ADGRB3: variants seen among roughly 807,000 people sequenced by gnomAD.
ADGRB3 encodes the protein adhesion G protein-coupled receptor B3, also known as brain-specific angiogenesis inhibitor 3.
ADGRB3 carries 37 observed loss-of-function variants against 193.4 expected under a neutral mutation model. The ratio of observed to expected loss-of-function variants is 0.19; its 90% CI spans 0.15 to 0.25. The LOEUF is 0.25. Among genes scored for constraint, ADGRB3 ranks in the 10% least tolerant of loss-of-function variants. The pLI, the probability that ADGRB3 is intolerant of heterozygous loss-of-function variation, is 1.00. For missense variants in ADGRB3, 1,637 were observed against 1,852.9 expected (o/e 0.88, Z 2.14); for synonymous variants, 690 against 644.2 (o/e 1.07, Z -1.08).
Position 68,993,930 on chromosome 6 carries a change from G to T in ADGRB3, c.1897G>T (p.Ala633Ser), listed in dbSNP as rs921122129. 1.2e-5 allele frequency: 20 copies of T among 1,613,658 alleles called. No individual in the cohort carries two copies. The highest frequency in any genetic ancestry group is 1.6e-5 in the Non-Finnish European group (19 of 1,179,802). Reference sequence around the variant, plus strand: ...AAATGTGACAGACACATTTAAAAGGGCAAGTTACATCCCTGCATCTGATGG... The same window carrying T: ...AAATGTGACAGACACATTTAAAAGGTCAAGTTACATCCCTGCATCTGATGG... ...LRNVTDTFKR[A>S]SYIPASDGVQ... Residue 633 changes from alanine to serine, a missense_variant, in exon 11 of 32, where the codon GCA (alanine) becomes TCA (serine). By Grantham distance (99) the Ala-to-Ser change is moderately conservative. Coordinates refer to ENST00000370598, the MANE Select transcript of ADGRB3 (RefSeq NM_001704.3).
intron 17 of ADGRB3, among the ~76,000 whole-genome samples, chr6:69,206,778 G>C (rs1265059951): frequency 6.6e-6 from 1 of 152,142 alleles, no homozygotes; most frequent in Non-Finnish European, 1.5e-5. Flanking sequence ...GGTCATAGCT[G>C]GTATTGATGA....
chr6:68,885,329 GTTAA>G (rs1582283909), intron 3 of ADGRB3, among the ~76,000 whole-genome samples: 1 of 152,112 alleles, frequency 6.6e-6, no homozygotes, highest in South Asian at 2.1e-4. Flanking sequence ...CCTTCTCCAG[GTTAA>G]TTTTTTTAAT....
intron 3 of ADGRB3, among the ~76,000 whole-genome samples, chr6:68,724,189 G>A (rs1321056896): frequency 6.6e-6 from 1 of 151,508 alleles, no homozygotes; most frequent in Non-Finnish European, 1.5e-5. Flanking sequence ...GTCCAGAAAT[G>A]TTGAAGTCCT....
intron 3 of ADGRB3, among the ~76,000 whole-genome samples, chr6:68,808,204 A>G (rs2140511): frequency 0.72 from 109,788 of 151,992 alleles, 40,126 homozygotes; most frequent in East Asian, 0.87. Context: ...CCTACACAAT[A>G]GATTCTGATC....
intron 17 of ADGRB3, among the ~76,000 whole-genome samples, chr6:69,107,391 T>G (rs993138214): frequency 2.0e-5 from 3 of 152,230 alleles, no homozygotes; most frequent in African/African-American, 7.2e-5. Flanking sequence ...TGAAAATCAT[T>G]TATTTATCAA....
intron 8 of ADGRB3, among the ~76,000 whole-genome samples, chr6:68,968,029 A>G (rs1768435303): frequency 6.6e-6 from 1 of 152,148 alleles, no homozygotes; most frequent in Admixed American, 6.6e-5. Context: ...GGAGCAAGGA[A>G]GAGGAGAGGT....
chr6:69,054,814 T>C (rs919533423), intron 15 of ADGRB3, among the ~76,000 whole-genome samples: 21 of 152,296 alleles, frequency 1.4e-4, no homozygotes, highest in Admixed American at 1.3e-3. Flanking sequence ...TCCTACTTTG[T>C]AGCAGCTGTC....
intron 5 of ADGRB3, among the ~76,000 whole-genome samples, chr6:68,939,146 G>A (rs922365036): frequency 3.9e-5 from 6 of 152,098 alleles, no homozygotes; most frequent in African/African-American, 1.4e-4. Context: ...CCACAGAACT[G>A]CCAAATCCAC....
At chr6:69,108,442 A>G (rs1430468694) in intron 17 of ADGRB3, among the ~76,000 whole-genome samples, 1 of 151,490 alleles carries the variant, frequency 6.6e-6, no homozygotes, top group Non-Finnish European at 1.5e-5. Context: ...ATGCCTATAC[A>G]GTGGACTTTG....
At chr6:69,375,743 T>C (rs1007778446) in intron 30 of ADGRB3, among the ~76,000 whole-genome samples, 2 of 151,986 alleles carry the variant, frequency 1.3e-5, no homozygotes, top group Non-Finnish European at 1.5e-5. Flanking sequence ...GTTAAAAATA[T>C]ATGGATAAAG....
intron 20 of ADGRB3, among the ~76,000 whole-genome samples, chr6:69,286,542 G>A (rs1489588608): frequency 6.6e-6 from 1 of 152,196 alleles, no homozygotes; most frequent in African/African-American, 2.4e-5. Context: ...GGCAGGTGAT[G>A]CTAGAATGAG....
chr6:69,140,819 A>C lies in ADGRB3; in HGVS notation c.2480+64781A>C, dbSNP rs185230654. ...AAAAATAAAAATCAAAAAAAGAGAA[A>C]GATATGAACAAGAATTCCTAGATAG... On this transcript the variant is annotated intron_variant, in intron 17 of 31. Transcript: ENST00000370598. Among the ~76,000 whole-genome samples, 5 of 152,254 alleles carry C rather than the reference A, an allele frequency of 3.3e-5. No homozygotes were observed. In the East Asian group the frequency reaches 9.7e-4, roughly 29 times the overall value.
intron 11 of ADGRB3, among the ~76,000 whole-genome samples, chr6:69,008,314 C>T (rs1769833453): frequency 6.6e-6 from 1 of 152,060 alleles, no homozygotes; most frequent in African/African-American, 2.4e-5. Context: ...ACAGAACAGC[C>T]AAATATAGAG....
intron 17 of ADGRB3, among the ~76,000 whole-genome samples, chr6:69,078,106 A>C (rs1582444117): frequency 6.6e-6 from 1 of 152,128 alleles, no homozygotes; most frequent in Non-Finnish European, 1.5e-5. Flanking sequence ...GTGAAGAGAT[A>C]CTGCTACTTC....
chr6:68,859,880 T>A (rs955833861), intron 3 of ADGRB3, among the ~76,000 whole-genome samples: 4 of 152,172 alleles, frequency 2.6e-5, no homozygotes, highest in Non-Finnish European at 5.9e-5. Flanking sequence ...GCCCCAATAT[T>A]TTGTTGTTTA....
intron 3 of ADGRB3, among the ~76,000 whole-genome samples, chr6:68,642,215 C>G (rs1768099629): frequency 6.6e-6 from 1 of 152,082 alleles, no homozygotes; most frequent in South Asian, 2.1e-4. Context: ...TGTATTGTAC[C>G]ATAGAAGTGG....
intron 17 of ADGRB3, among the ~76,000 whole-genome samples, chr6:69,160,333 C>T (rs1774949171): frequency 6.6e-6 from 1 of 152,004 alleles, no homozygotes; most frequent in Non-Finnish European, 1.5e-5. Flanking sequence ...CATGTGCTAC[C>T]TACCCCTTCA....
intron 11 of ADGRB3, among the ~76,000 whole-genome samples, chr6:68,995,739 T>C (rs1341749528): frequency 6.6e-6 from 1 of 152,184 alleles, no homozygotes; most frequent in Non-Finnish European, 1.5e-5. Flanking sequence ...CTGTTGTCTT[T>C]TGGGGCATCT....
At chr6:69,073,638 C>T (rs1716460930) in intron 16 of ADGRB3, among the ~76,000 whole-genome samples, 1 of 152,128 alleles carries the variant, frequency 6.6e-6, no homozygotes, top group Admixed American at 6.5e-5. Context: ...GTGAACCTCC[C>T]AAGGCTCACC....
Sources: allele counts gnomAD v4.1 joint callset (sites outside exome capture counted in the v4.1 genomes callset), GRCh38; gene constraint gnomAD v4.1.1; transcripts MANE v1.5; gene names NCBI Gene and HGNC (gene_info 2026-07-23, HGNC 2026-07-21).